The following OR51F2 variants were observed in gnomAD, a reference collection of about 807,000 sequenced individuals.
The protein encoded by OR51F2 is olfactory receptor family 51 subfamily F member 2.
For missense variants in OR51F2, 435 were observed against 401.4 expected, an observed-to-expected ratio of 1.08 and a Z score of -0.72; for synonymous variants, 172 against 153.6, an observed-to-expected ratio of 1.12 and a Z score of -0.89.
At position 4,821,618 on chromosome 11, in the gene OR51F2, C is replaced by T; in HGVS notation, c.197C>T (p.Ser66Phe). Residue 66 changes from serine (S) to phenylalanine (F), a missense_variant, in exon 1 of 1, where the codon TCT becomes TTT. Ser to Phe is a radical substitution (Grantham distance 155, BLOSUM62 -2). Coordinates refer to ENST00000322110, the MANE Select transcript of OR51F2 (RefSeq NM_001004753.2). ...CATAAGCCTATGTACTATTTCCTCTCTATGCTTTCAGCCACAGACCTGAGC... is the reference window on the plus strand; with the variant it reads ...CATAAGCCTATGTACTATTTCCTCTTTATGCTTTCAGCCACAGACCTGAGC... Reference protein sequence around the residue: ...SLHKPMYYFLSMLSATDLSLS... With the variant: ...SLHKPMYYFLFMLSATDLSLS... The T allele has an allele frequency of 6.2e-7, 1 of 1,613,972 alleles. No individual in the cohort carries two copies. Among genetic ancestry groups the T allele is most frequent in the Non-Finnish European group, 8.5e-7 (1 of 1,179,896 alleles).
At position 4,822,347 on chromosome 11, in the gene OR51F2, T is replaced by C. The variant is rs1166944348; in HGVS notation, c.926T>C (p.Leu309Ser). The C allele has an allele frequency of 3.3e-6, 5 of 1,493,374 alleles. No individual in the cohort carries two copies. Among genetic ancestry groups the C allele is most frequent in the Non-Finnish European group, 4.5e-6 (5 of 1,120,362 alleles). 92.5% of individuals were successfully genotyped at this position (1,493,374 alleles called of 1,614,324 possible). A position where few individuals can be genotyped will look rare whatever the true frequency, so the allele number is the denominator to read the frequency against. ...KQIQKAIIKV[L>S]IQKHSKSNHQ... ...ATTCAAAAGGCCATTATCAAGGTCT[T>C]AATTCAGAAGCACTCCAAATCTAAT... is the stretch of plus-strand genomic sequence containing the variant. The change falls in exon 1 of 1, where the codon TTA becomes TCA. Residue 309 changes from leucine to serine, a missense_variant. By Grantham distance (145) the Leu-to-Ser change is moderately radical (BLOSUM62 -2). Transcript: ENST00000322110.
rs765180447 is a variant in OR51F2, at chr11:4,821,975, A to T, written c.554A>T (p.Asp185Val). ...VLSHSYCYHV[D>V]LIQLSCTDNR... ...TCACATTCTTACTGCTACCATGTTG[A>T]TCTCATCCAACTCTCCTGCACAGAC... The change falls in exon 1 of 1, where the codon GAT becomes GTT. Residue 185 changes from aspartate to valine, a missense_variant. By Grantham distance (152) the Asp-to-Val change is radical. Transcript: ENST00000322110. 5 of 1,613,866 alleles carry T rather than the reference A, an allele frequency of 3.1e-6. No homozygotes were observed. The African/African-American group carries it at 5.3e-5, about 17-fold the overall frequency.
At position 4,822,371 on chromosome 11, in the gene OR51F2, A is replaced by G. The variant is rs758506934; in HGVS notation, c.950A>G (p.Asn317Ser). 4 of 1,466,446 alleles carry G rather than the reference A, an allele frequency of 2.7e-6. No homozygotes were observed. In the East Asian group the frequency reaches 7.2e-5, roughly 26 times the overall value. 90.8% of individuals were successfully genotyped at this position (1,466,446 alleles called of 1,614,324 possible). A position where few individuals can be genotyped will look rare whatever the true frequency, so the allele number is the denominator to read the frequency against. The change falls in exon 1 of 1, where the codon AAT (asparagine) becomes AGT (serine). Residue 317 changes from asparagine (N) to serine (S), a missense_variant. Coordinates refer to ENST00000322110, the MANE Select transcript of OR51F2 (RefSeq NM_001004753.2). ...TTAATTCAGAAGCACTCCAAATCTAATCATCAGCTATTTCTGATTAGAGAT... is the reference window on the plus strand; with the variant it reads ...TTAATTCAGAAGCACTCCAAATCTAGTCATCAGCTATTTCTGATTAGAGAT... ...KVLIQKHSKS[N>S]HQLFLIRDKA... is the part of the protein sequence containing the mutation.
chr11:4,822,444 A>G lies in OR51F2; in HGVS notation c.*30A>G. 7.3e-7 allele frequency: 1 copy of G among 1,375,656 alleles called. No individual in the cohort carries two copies. The highest frequency in any genetic ancestry group is 2.6e-5 in the East Asian group (1 of 38,228). The allele number at this position is 1,375,656 out of a possible 1,614,324, so 85.2% of individuals were successfully genotyped here. On this transcript the variant is annotated 3_prime_UTR_variant, in exon 1 of 1. Transcript: ENST00000322110. ...TTTGCTACAATGGAGTAATTGTCCCAAAGTGCCCACACATGCCTCCAACAG... is the reference window on the plus strand; with the variant it reads ...TTTGCTACAATGGAGTAATTGTCCCGAAGTGCCCACACATGCCTCCAACAG...
Position 4,821,691 on chromosome 11 carries a change from A to G in OR51F2, c.270A>G (p.Glu90=), listed in dbSNP as rs1849503386. 1 of 1,614,032 alleles carries G rather than the reference A, an allele frequency of 6.2e-7. No individual in the cohort carries two copies. The highest frequency in any genetic ancestry group is 8.5e-7 in the Non-Finnish European group (1 of 1,179,962). The change falls in exon 1 of 1, where the codon GAA becomes GAG. Residue 90 remains glutamate (E), a synonymous_variant. Coordinates refer to ENST00000322110, the MANE Select transcript of OR51F2 (RefSeq NM_001004753.2). ...CTACCCTTGGTGTCTTCTGGTTTGA[A>G]GCCCGAGAAATCAACCTAAATGCCT... The part of the protein sequence containing the change: ...LSTTLGVFWF[E]AREINLNACI...
rs1291445157 is a variant in OR51F2, at chr11:4,822,283, G to A, written c.862G>A (p.Val288Met). 1.9e-6 allele frequency: 3 copies of A among 1,555,274 alleles called. No individual in the cohort carries two copies. The highest frequency in any genetic ancestry group is 2.6e-6 in the Non-Finnish European group (3 of 1,148,552). The change falls in exon 1 of 1, where the codon GTG (valine) becomes ATG (methionine). Residue 288 changes from valine (V) to methionine (M), a missense_variant. Transcript: ENST00000322110. ...MANVFLLIPPVLNPIIYSVKI... is the reference protein window; with the variant it reads ...MANVFLLIPPMLNPIIYSVKI... ...CAATGTCTTTCTGCTAATCCCTCCT[G>A]TGCTCAACCCTATTATTTACAGTGT...
Position 4,822,016 on chromosome 11 carries a change from A to C in OR51F2, c.595A>C (p.Ile199Leu). ...CTGCACAGACAATAGGATCAACAGC[A>C]TCCTTGGTCTGTTTGCGCTTTTGTC... ...LSCTDNRINS[I>L]LGLFALLSTT... The change falls in exon 1 of 1, where the codon ATC becomes CTC. Residue 199 changes from isoleucine (I) to leucine (L), a missense_variant. Ile to Leu is a conservative substitution (Grantham distance 5, BLOSUM62 2). Transcript: ENST00000322110. The C allele has an allele frequency of 6.2e-7, 1 of 1,614,006 alleles. No individual in the cohort carries two copies.
rs2133471891 is a variant in OR51F2 at position 4,821,706 on chromosome 11, C to T, written c.285C>T (p.Asn95=). The T allele has an allele frequency of 3.1e-6, 5 of 1,613,992 alleles. No homozygotes were observed. The South Asian group carries it at 3.3e-5, about 11-fold the overall frequency. Reference sequence around the variant, plus strand: ...TCTGGTTTGAAGCCCGAGAAATCAACCTAAATGCCTGCATTGCCCAGATGT... The same window carrying T: ...TCTGGTTTGAAGCCCGAGAAATCAATCTAAATGCCTGCATTGCCCAGATGT... ...GVFWFEAREI[N]LNACIAQMFF... is the part of the protein sequence containing the mutation. The change falls in exon 1 of 1, where the codon AAC becomes AAT. Residue 95 remains asparagine, a synonymous_variant. Transcript: ENST00000322110.
chr11:4,821,695 C>A lies in OR51F2; in HGVS notation c.274C>A (p.Arg92=), dbSNP rs7114668. 0.048 allele frequency: 77,496 copies of A among 1,613,778 alleles called. 3,142 individuals carry two copies. The highest frequency in any genetic ancestry group is 0.2 in the African/African-American group (15,065 of 74,908). ...TTLGVFWFEA[R]EINLNACIAQ... Reference sequence around the variant, plus strand: ...CCTTGGTGTCTTCTGGTTTGAAGCCCGAGAAATCAACCTAAATGCCTGCAT... The same window carrying A: ...CCTTGGTGTCTTCTGGTTTGAAGCCAGAGAAATCAACCTAAATGCCTGCAT... Residue 92 remains arginine, a synonymous_variant, in exon 1 of 1, where the codon CGA becomes AGA. Transcript: ENST00000322110.
rs1018488108 is a variant in OR51F2 at position 4,822,186 on chromosome 11, C to T, written c.765C>T (p.Leu255=). ...TCAGTGCTGTTTCCATCTTCTACCT[C>T]CCTCTCATCAGTTTGTCTCTTGTCC... is the stretch of plus-strand genomic sequence containing the variant. ...SHISAVSIFY[L]PLISLSLVHR... is the part of the protein sequence containing the mutation. The change falls in exon 1 of 1, where the codon CTC becomes CTT. Residue 255 remains leucine, a synonymous_variant. Coordinates refer to ENST00000322110, the MANE Select transcript of OR51F2 (RefSeq NM_001004753.2). 3.1e-6 allele frequency: 5 copies of T among 1,604,674 alleles called. No individual in the cohort carries two copies. The highest frequency in any genetic ancestry group is 2.2e-5 in the East Asian group (1 of 44,828).
chr11:4,821,567 T>C lies in OR51F2; in HGVS notation c.146T>C (p.Phe49Ser). The C allele has an allele frequency of 6.2e-7, 1 of 1,613,310 alleles. No individual in the cohort carries two copies. The highest frequency in any genetic ancestry group is 1.3e-5 in the African/African-American group (1 of 74,988). Residue 49 changes from phenylalanine (F) to serine (S), a missense_variant, in exon 1 of 1, where the codon TTT becomes TCT. Physicochemically the swap from Phe to Ser is radical, Grantham distance 155. Transcript: ENST00000322110. The stretch of plus-strand genomic sequence containing the variant: ...GTCTCTGGAAATAGCATGATCCTGT[T>C]TGTGGTCCTCTGTGAACGGAGCCTC... ...VAVSGNSMIL[F>S]VVLCERSLHK...
rs1440273638 is a variant in OR51F2, at chr11:4,822,455, A to G, written c.*41A>G. ...GGAGTAATTGTCCCAAAGTGCCCACACATGCCTCCAACAGTCCAAACTAAG... is the reference window on the plus strand; with the variant it reads ...GGAGTAATTGTCCCAAAGTGCCCACGCATGCCTCCAACAGTCCAAACTAAG... On this transcript the variant is annotated 3_prime_UTR_variant, in exon 1 of 1. Transcript: ENST00000322110. The G allele has an allele frequency of 1.5e-6, 2 of 1,332,266 alleles. No homozygotes were observed. The highest frequency in any genetic ancestry group is 2.0e-6 in the Non-Finnish European group (2 of 1,022,934). 82.5% of individuals were successfully genotyped at this position (1,332,266 alleles called of 1,614,324 possible).
At position 4,821,450 on chromosome 11, in the gene OR51F2, A is replaced by T. The variant is rs1443407221; in HGVS notation, c.29A>T (p.Glu10Val). 1.2e-6 allele frequency: 2 copies of T among 1,613,834 alleles called. No homozygotes were observed. Among genetic ancestry groups the T allele is most frequent in the South Asian group, 1.1e-5 (1 of 91,022 alleles). ...TCGGTCCTCAATAATACCATTGCTG[A>T]GCCTCTGATCTTCCTCCTGATGGGC... MSVLNNTIAEPLIFLLMGIP... is the reference protein window; with the variant it reads MSVLNNTIAVPLIFLLMGIP... Residue 10 changes from glutamate to valine, a missense_variant, in exon 1 of 1, where the codon GAG becomes GTG. Physicochemically the swap from Glu to Val is moderately radical, Grantham distance 121. Coordinates refer to ENST00000322110, the MANE Select transcript of OR51F2 (RefSeq NM_001004753.2).
In OR51F2 at chr11:4,821,963, GC is replaced by G; in HGVS notation, c.543del (p.Tyr182ThrfsTer41). 6.2e-7 allele frequency: 1 copy of G among 1,613,978 alleles called. No individual in the cohort carries two copies. Reference protein sequence around the residue: ...CSSMVLSHSYCYHVDLIQLSC... With the variant: ...CSSMVLSHSYXYHVDLIQLSC... ...TCTATGGTCCTTTCACATTCTTACTGCTACCATGTTGATCTCATCCAACTCT... is the reference window on the plus strand; with the variant it reads ...TCTATGGTCCTTTCACATTCTTACTGTACCATGTTGATCTCATCCAACTCT... On this transcript the variant is annotated frameshift_variant, in exon 1 of 1. Transcript: ENST00000322110. LOFTEE classifies it low-confidence loss of function (END_TRUNC).
In OR51F2 at chr11:4,821,802, C is replaced by T; in HGVS notation, c.381C>T (p.Ala127=). ...LLAMAFDRFV[A]ICYPLRYTTI... ...CCATGGCCTTTGATCGTTTTGTGGC[C>T]ATCTGTTACCCACTGAGATACACTA... The change falls in exon 1 of 1, where the codon GCC becomes GCT. Residue 127 remains alanine, a synonymous_variant. Transcript: ENST00000322110. The T allele has an allele frequency of 6.2e-7, 1 of 1,612,916 alleles. No homozygotes were observed. Among genetic ancestry groups the T allele is most frequent in the Non-Finnish European group, 8.5e-7 (1 of 1,179,420 alleles).
In OR51F2 at chr11:4,821,853, C is replaced by G; in HGVS notation, c.432C>G (p.Ala144=). The G allele has an allele frequency of 6.2e-7, 1 of 1,613,708 alleles. No individual in the cohort carries two copies. The highest frequency in any genetic ancestry group is 8.5e-7 in the Non-Finnish European group (1 of 1,179,840). The part of the protein sequence containing the change: ...YTTILTNARI[A]KIGMSMLIRN... ...CCATCCTTACCAATGCCCGAATTGC[C>G]AAGATTGGGATGAGCATGTTGATAA... Residue 144 remains alanine, a synonymous_variant, in exon 1 of 1, where the codon GCC becomes GCG. Transcript: ENST00000322110.
Position 4,821,469 on chromosome 11 carries a change from G to C in OR51F2, c.48G>C (p.Leu16=), listed in dbSNP as rs1849497474. 6.2e-7 allele frequency: 1 copy of C among 1,613,544 alleles called. No individual in the cohort carries two copies. Among genetic ancestry groups the C allele is most frequent in the South Asian group, 1.1e-5 (1 of 90,984 alleles). ...TTGCTGAGCCTCTGATCTTCCTCCT[G>C]ATGGGCATTCCAGGCCTGAAAGCCA... ...NTIAEPLIFL[L]MGIPGLKATQ... is the part of the protein sequence containing the mutation. The change falls in exon 1 of 1, where the codon CTG becomes CTC. Residue 16 remains leucine (L), a synonymous_variant. Transcript: ENST00000322110.
Position 4,821,970 on chromosome 11 carries a change from T to C in OR51F2, c.549T>C (p.His183=). 4 of 1,614,086 alleles carry C rather than the reference T, an allele frequency of 2.5e-6. No individual in the cohort carries two copies. The highest frequency in any genetic ancestry group is 3.4e-6 in the Non-Finnish European group (4 of 1,179,968). ...SMVLSHSYCY[H]VDLIQLSCTD... is the part of the protein sequence containing the mutation. ...TCCTTTCACATTCTTACTGCTACCA[T>C]GTTGATCTCATCCAACTCTCCTGCA... Residue 183 remains histidine, a synonymous_variant, in exon 1 of 1, where the codon CAT becomes CAC. Transcript: ENST00000322110.
Position 4,822,328 on chromosome 11 carries a change from A to G in OR51F2, c.907A>G (p.Lys303Glu). 6.7e-7 allele frequency: 1 copy of G among 1,499,982 alleles called. No homozygotes were observed. Among genetic ancestry groups the G allele is most frequent in the South Asian group, 1.4e-5 (1 of 71,656 alleles). 92.9% of individuals were successfully genotyped at this position (1,499,982 alleles called of 1,614,324 possible). ...IYSVKIKQIQ[K>E]AIIKVLIQKH... ...CAGTGTAAAGATTAAGCAGATTCAA[A>G]AGGCCATTATCAAGGTCTTAATTCA... is the stretch of plus-strand genomic sequence containing the variant. Residue 303 changes from lysine (K) to glutamate (E), a missense_variant, in exon 1 of 1, where the codon AAG (lysine) becomes GAG (glutamate). Physicochemically the swap from Lys to Glu is moderately conservative, Grantham distance 56 (BLOSUM62 1). Transcript: ENST00000322110.
Sources: gnomAD v4.1 joint callset for allele counts on GRCh38, gnomAD v4.1.1 for gene constraint, MANE v1.5 for transcripts, NCBI Gene and HGNC (gene_info 2026-07-23, HGNC 2026-07-21) for gene names.